Variants in CDK6 observed in about 807,000 individuals in gnomAD.
CDK6 encodes cyclin dependent kinase 6, also known as cyclin-dependent kinase 6.
In CDK6, 6 loss-of-function variants were observed where a neutral mutation model predicts 37.1. The ratio of observed to expected loss-of-function variants is 0.16; its 90% CI spans 0.09 to 0.32. The LOEUF (loss-of-function observed/expected upper bound fraction) is 0.32. Ranked by LOEUF, CDK6 falls within the 10% of genes least tolerant of loss-of-function variation. The probability of loss-of-function intolerance (pLI) is 1.00; values close to 1 mark genes in which losing one functional copy is unlikely to be tolerated. For missense variants in CDK6, 224 were observed against 418.9 expected (o/e 0.53, Z 4.06); for synonymous variants, 160 against 161.3 (o/e 0.99, Z 0.06).
At chr7:92,798,871 T>C (rs965555854) in intron 2 of CDK6, among the ~76,000 whole-genome samples, 23 of 152,286 alleles carry the variant, frequency 1.5e-4, no homozygotes, top group Admixed American at 1.3e-3. Context: ...AAAGCTATTG[T>C]CTTCTTCTAT....
At chr7:92,662,291 G>A (rs1796856371) in intron 5 of CDK6, among the ~76,000 whole-genome samples, 1 of 152,168 alleles carries the variant, frequency 6.6e-6, no homozygotes, top group East Asian at 1.9e-4. Context: ...TAATTAACTG[G>A]AGATGGGGCT....
In CDK6 at chr7:92,810,418, G is replaced by A. The variant is rs3731282; in HGVS notation, c.233+22673C>T. ...TTGTGGTCTAGTCCTGACTCTGCCAGCAGACAGTTGACCTTGAGCAAGTCA... is the reference window on the plus strand; with the variant it reads ...TTGTGGTCTAGTCCTGACTCTGCCAACAGACAGTTGACCTTGAGCAAGTCA... On this transcript the variant is annotated intron_variant, in intron 2 of 7. Transcript: ENST00000424848. Among the ~76,000 whole-genome samples the A allele has an allele frequency of 3.3e-5, 5 of 152,346 alleles. No homozygotes were observed. The East Asian group carries it at 9.6e-4, about 29-fold the overall frequency.
chr7:92,662,308 T>C (rs1450496360), intron 5 of CDK6, among the ~76,000 whole-genome samples: 3 of 151,782 alleles, frequency 2.0e-5, no homozygotes, highest in African/African-American at 7.3e-5. Context: ...GGCTGAATGT[T>C]GGGTTGGGGG....
At chr7:92,790,815 G>T in intron 2 of CDK6, among the ~76,000 whole-genome samples, 1 of 152,134 alleles carries the variant, frequency 6.6e-6, no homozygotes, top group East Asian at 1.9e-4. Context: ...CAATTTAACT[G>T]TCAGAGTATC....
intron 4 of CDK6, chr7:92,725,200 C>T (rs1224237467): frequency 3.0e-6 from 3 of 985,404 alleles, no homozygotes; most frequent in Non-Finnish European, 2.4e-6. Flanking sequence ...CAGATGAGTG[C>T]ATTAACAAAC....
chr7:92,719,204 T>C (rs898227379), intron 4 of CDK6, among the ~76,000 whole-genome samples: 1 of 152,164 alleles, frequency 6.6e-6, no homozygotes, highest in Non-Finnish European at 1.5e-5. Flanking sequence ...ACGTGTGCCA[T>C]GGTGGTCAGC....
At chr7:92,663,992 T>A (rs1227370654) in intron 5 of CDK6, among the ~76,000 whole-genome samples, 1 of 151,474 alleles carries the variant, frequency 6.6e-6, no homozygotes, top group Non-Finnish European at 1.5e-5. Context: ...ATACAAAAAA[T>A]TAGCCGGGCA....
chr7:92,748,164 T>C (rs1799104233), intron 3 of CDK6, among the ~76,000 whole-genome samples: 1 of 152,218 alleles, frequency 6.6e-6, no homozygotes, highest in African/African-American at 2.4e-5. Context: ...GATAACAGGT[T>C]ACAGAATATG....
intron 4 of CDK6, among the ~76,000 whole-genome samples, chr7:92,708,356 T>C (rs1270319807): frequency 6.6e-6 from 1 of 152,222 alleles, no homozygotes. Context: ...TTGGTGAGCA[T>C]AATCTATGTG....
chr7:92,765,637 G>C (rs1353978018), intron 3 of CDK6, among the ~76,000 whole-genome samples: 2 of 152,258 alleles, frequency 1.3e-5, no homozygotes, highest in East Asian at 3.9e-4. Flanking sequence ...TAAACACCTA[G>C]TACAGTTACA....
intron 3 of CDK6, among the ~76,000 whole-genome samples, chr7:92,733,437 A>G (rs1798701124): frequency 6.6e-6 from 1 of 152,164 alleles, no homozygotes; most frequent in African/African-American, 2.4e-5. Flanking sequence ...CATTTTTGCC[A>G]TCTACATAAT....
rs907343091 is a variant in CDK6 at position 92,620,247 on chromosome 7, A to G, written c.699-2040T>C. 3.9e-5 allele frequency among the ~76,000 whole-genome samples: 6 copies of G among 152,296 alleles called. No homozygotes were observed. In the East Asian group the frequency reaches 1.2e-3, roughly 29 times the overall value. On this transcript the variant is annotated intron_variant, in intron 6 of 7. Coordinates refer to ENST00000424848, the MANE Select transcript of CDK6 (RefSeq NM_001145306.2). ...TGTGTGTACATATACAAATAACTTT[A>G]TATAATTTTATATAAAATTTTAAAC...
chr7:92,715,825 T>G (rs1437954051), intron 4 of CDK6, among the ~76,000 whole-genome samples: 1 of 152,224 alleles, frequency 6.6e-6, no homozygotes, highest in Non-Finnish European at 1.5e-5. Context: ...TAAGGGAAAC[T>G]GCAATGCAGA....
At chr7:92,759,027 C>T (rs1799385218) in intron 3 of CDK6, among the ~76,000 whole-genome samples, 1 of 152,030 alleles carries the variant, frequency 6.6e-6, no homozygotes, top group Admixed American at 6.6e-5. Flanking sequence ...TAAAAAGCTG[C>T]ATGGCTTGTC....
Position 92,615,152 on chromosome 7 carries a change from C to T in CDK6, c.969G>A (p.Leu323=), listed in dbSNP as rs1018330652. The change falls in exon 8 of 8, where the codon CTG becomes CTA. Residue 323 remains leucine, a synonymous_variant. Coordinates refer to ENST00000424848, the MANE Select transcript of CDK6 (RefSeq NM_001145306.2). ...GGCTGCTGAGGCCTCAGGCTGTATT[C>T]AGCTCCGAGGTGTTCTGGCTGGGCG... The part of the protein sequence containing the change: ...HLPPSQNTSE[L]NTA 14 of 1,613,784 alleles carry T rather than the reference C, an allele frequency of 8.7e-6. No individual in the cohort carries two copies. Among genetic ancestry groups the T allele is most frequent in the East Asian group, 2.2e-5 (1 of 44,870 alleles).
intron 4 of CDK6, among the ~76,000 whole-genome samples, chr7:92,720,999 G>A (rs1003180244): frequency 4.6e-5 from 7 of 152,122 alleles, no homozygotes; most frequent in East Asian, 1.9e-4. Context: ...GTTTTCCAAT[G>A]AGAACAAATG....
intron 4 of CDK6, among the ~76,000 whole-genome samples, chr7:92,711,466 A>G (rs1388278176): frequency 6.6e-6 from 1 of 151,964 alleles, no homozygotes; most frequent in African/African-American, 2.4e-5. Context: ...TTCATTTAAC[A>G]AACTGTTAAT....
intron 2 of CDK6, among the ~76,000 whole-genome samples, chr7:92,788,054 C>T (rs963483493): frequency 2.0e-5 from 3 of 152,104 alleles, no homozygotes; most frequent in Non-Finnish European, 4.4e-5. Flanking sequence ...TTAGAAAACA[C>T]ACTGCAGTTG....
At position 92,609,268 on chromosome 7, in the gene CDK6, C is replaced by G. The variant is rs558292271; in HGVS notation, c.*5872G>C. On this transcript the variant is annotated 3_prime_UTR_variant, in exon 8 of 8. Coordinates refer to ENST00000424848, the MANE Select transcript of CDK6 (RefSeq NM_001145306.2). Reference sequence around the variant, plus strand: ...CTTCCCTACTAAATTTCAAGTGACACTGCTGTGAGAAAGGTGACCTCTAAA... The same window carrying G: ...CTTCCCTACTAAATTTCAAGTGACAGTGCTGTGAGAAAGGTGACCTCTAAA... The G allele has an allele frequency of 6.0e-5, 14 of 232,760 alleles. 1 individual carries two copies. In the South Asian group the frequency reaches 2.5e-3, roughly 42 times the overall value. The allele number at this position is 232,760 out of a possible 1,614,324, so 14.4% of individuals were successfully genotyped here. A position where few individuals can be genotyped will look rare whatever the true frequency, so the allele number is the denominator to read the frequency against.
Sources: allele counts gnomAD v4.1 joint callset (sites outside exome capture counted in the v4.1 genomes callset), GRCh38; gene constraint gnomAD v4.1.1; transcripts MANE v1.5; gene names NCBI Gene and HGNC (gene_info 2026-07-23, HGNC 2026-07-21).